MCF2L: variants seen among roughly 807,000 people sequenced by gnomAD.
MCF2L encodes guanine nucleotide exchange factor DBS.
Under a neutral mutation model 153.4 loss-of-function variants are expected in MCF2L, and 97 were observed. The observed-to-expected ratio is 0.63, with a 90% CI of 0.54 to 0.75. MCF2L has a LOEUF of 0.75. Ranked by LOEUF, MCF2L falls within the 30% of genes least tolerant of loss-of-function variation. MCF2L has a pLI of 0.00. For missense variants in MCF2L, 1,347 were observed against 1,495.2 expected, an observed-to-expected ratio of 0.90 and a Z score of 1.64; for synonymous variants, 659 against 632.2, an observed-to-expected ratio of 1.04 and a Z score of -0.64.
In MCF2L at chr13:112,942,351, G is replaced by A. The variant is rs146491087; in HGVS notation, c.169+39980G>A. 3.2e-3 allele frequency among the ~76,000 whole-genome samples: 484 copies of A among 152,308 alleles called. 1 individual carries two copies. Among genetic ancestry groups the A allele is most frequent in the African/African-American group, 0.011 (466 of 41,564 alleles). On this transcript the variant is annotated intron_variant, in intron 2 of 29. Coordinates refer to the MCF2L transcript ENST00000375608. ...CCAGGCAGGGAAGGGCCCCCTGTCT[G>A]GTAGACATGTGACCCACATGACCTT...
In MCF2L at chr13:113,095,281, G is replaced by A. The variant is rs2035553136; in HGVS notation, c.3075+646G>A. ...GCCCCAAGGCTGGAGGTGCAAAGGG[G>A]ACAGGTCCCGGAGGCTCTGGAAGGG... On this transcript the variant is annotated intron_variant, in intron 27 of 29. Transcript: ENST00000535094. 11 of 1,187,502 alleles carry A rather than the reference G, an allele frequency of 9.3e-6. No homozygotes were observed. In the South Asian group the frequency reaches 9.5e-5, roughly 10 times the overall value. 73.6% of individuals were successfully genotyped at this position (1,187,502 alleles called of 1,614,324 possible).
At chr13:113,033,803 GC>G (rs1165970333) in intron 3 of MCF2L, 2 of 166,522 alleles carry the variant, frequency 1.2e-5, no homozygotes, top group African/African-American at 4.8e-5. Context: ...ACATCACGCG[GC>G]CCAGGTGTCT....
chr13:113,069,891 G>T (rs2032704711), intron 8 of MCF2L, among the ~76,000 whole-genome samples, 168 bp from the exon 9 acceptor site: 1 of 152,160 alleles, frequency 6.6e-6, no homozygotes, highest in Admixed American at 6.5e-5. Context: ...GGCCCTGAGT[G>T]CCCGCGCCCG....
chr13:113,061,120 AG>A (rs1222422732), intron 5 of MCF2L, among the ~76,000 whole-genome samples: 4 of 152,074 alleles, frequency 2.6e-5, no homozygotes, highest in Non-Finnish European at 2.9e-5. Flanking sequence ...AGGGCTGGGG[AG>A]GGGGCTGTAA....
chr13:112,930,570 C>G (rs1343149326), intron 2 of MCF2L, among the ~76,000 whole-genome samples: 1 of 152,168 alleles, frequency 6.6e-6, no homozygotes, highest in East Asian at 1.9e-4. Flanking sequence ...GATTTTAGGG[C>G]AGTGAAACTA....
intron 1 of MCF2L, among the ~76,000 whole-genome samples, chr13:112,985,894 AC>A (rs1368087314): frequency 6.6e-6 from 1 of 152,108 alleles, no homozygotes; most frequent in Non-Finnish European, 1.5e-5. Context: ...ACCATGGGAC[AC>A]CCGGTGACGT....
chr13:112,999,953 C>T (rs976671784), intron 1 of MCF2L, among the ~76,000 whole-genome samples: 8 of 95,422 alleles, frequency 8.4e-5, no homozygotes, highest in African/African-American at 2.5e-4. Flanking sequence ...ACCGGAGGGC[C>T]CCAGAGTGGA....
At chr13:112,915,340 C>T (rs981665001) in intron 2 of MCF2L, among the ~76,000 whole-genome samples, 4 of 139,602 alleles carry the variant, frequency 2.9e-5, no homozygotes, top group African/African-American at 1.1e-4. Context: ...ACCCGGGAAG[C>T]GGAGGTTGCA....
chr13:112,916,380 A>C (rs574395739), intron 2 of MCF2L, among the ~76,000 whole-genome samples: 119 of 152,198 alleles, frequency 7.8e-4, no homozygotes, highest in South Asian at 1.2e-3. Flanking sequence ...TTTTGCCTCT[A>C]CTTCTTGTCC....
At chr13:112,959,504 G>A (rs1362845783) in intron 2 of MCF2L, among the ~76,000 whole-genome samples, 1 of 152,110 alleles carries the variant, frequency 6.6e-6, no homozygotes, top group African/African-American at 2.4e-5. Flanking sequence ...CTGCAGTGAG[G>A]GAGGAGGGTC....
intron 2 of MCF2L, among the ~76,000 whole-genome samples, chr13:113,018,580 G>A (rs139414394): frequency 0.013 from 1,940 of 152,242 alleles, 47 homozygotes; most frequent in African/African-American, 0.043. Flanking sequence ...CCCTGGCATG[G>A]CAGTCGGAGC....
intron 1 of MCF2L, among the ~76,000 whole-genome samples, chr13:112,987,223 A>C (rs1315589232): frequency 6.6e-6 from 1 of 152,008 alleles, no homozygotes; most frequent in Non-Finnish European, 1.5e-5. Flanking sequence ...GGGGTCCCAG[A>C]AGGCATCTCC....
chr13:113,081,211 A>T lies in MCF2L; in HGVS notation c.1809-2A>T. The stretch of plus-strand genomic sequence containing the variant: ...TTTGCTCTCCACATGACCTGCCACC[A>T]GGCACGTGATGAGCGAGCTCCTGGA... On this transcript the variant is annotated splice_acceptor_variant, in intron 15 of 29. Transcript: ENST00000535094. LOFTEE classifies it high-confidence loss of function. The T allele has an allele frequency of 6.3e-7, 1 of 1,581,402 alleles. No individual in the cohort carries two copies.
chr13:113,007,889 T>TA (rs965413053), intron 1 of MCF2L, among the ~76,000 whole-genome samples: 2 of 17,046 alleles, frequency 1.2e-4, no homozygotes, highest in Non-Finnish European at 3.2e-4. Context: ...CTTAAATGGG[T>TA]TTTTAGTATG....
rs2033730131 is a variant in MCF2L, at chr13:113,078,349, CT to C, written c.1661-12del. Reference sequence around the variant, plus strand: ...AGAGGGGACTTCATGCCCCGCTCCCCTTCTTCCCAACAGGCATTCGGCGAGG... The same window carrying C: ...AGAGGGGACTTCATGCCCCGCTCCCCTCTTCCCAACAGGCATTCGGCGAGG... On this transcript the variant is annotated splice_polypyrimidine_tract_variant and intron_variant, in intron 13 of 29. Transcript: ENST00000535094. The C allele has an allele frequency of 6.2e-7, 1 of 1,611,532 alleles. No homozygotes were observed. The highest frequency in any genetic ancestry group is 8.5e-7 in the Non-Finnish European group (1 of 1,178,354).
At position 113,065,136 on chromosome 13, in the gene MCF2L, G is replaced by A. The variant is rs776816765; in HGVS notation, c.756+51G>A. On this transcript the variant is annotated intron_variant, in intron 7 of 29. Coordinates refer to ENST00000535094, the MANE Select transcript of MCF2L (RefSeq NM_001112732.3). ...AGCTGTGGGGGGCTCCGGTCAGTCA[G>A]AAGCTGCGCGGGGCTCCGGTCGGAA... 4.4e-6 allele frequency: 7 copies of A among 1,603,506 alleles called. No homozygotes were observed. The East Asian group carries it at 1.6e-4, about 36-fold the overall frequency.
intron 2 of MCF2L, among the ~76,000 whole-genome samples, chr13:112,914,633 C>A (rs2081271808): frequency 6.6e-6 from 1 of 152,244 alleles, no homozygotes; most frequent in African/African-American, 2.4e-5. Context: ...ATGTCCTTGT[C>A]TGATGGTTGC....
intron 2 of MCF2L, among the ~76,000 whole-genome samples, chr13:113,016,272 A>G (rs2084508106): frequency 6.6e-6 from 1 of 152,194 alleles, no homozygotes; most frequent in African/African-American, 2.4e-5. Flanking sequence ...GAGGGATCCC[A>G]GGTGCAAGAA....
chr13:113,092,606 G>T (rs1456276169), intron 26 of MCF2L, among the ~76,000 whole-genome samples: 1 of 152,246 alleles, frequency 6.6e-6, no homozygotes, highest in Non-Finnish European at 1.5e-5. Flanking sequence ...ACTCCAATGA[G>T]CAAAGGCCAA....
Sources: allele counts gnomAD v4.1 joint callset (sites outside exome capture counted in the v4.1 genomes callset), GRCh38; gene constraint gnomAD v4.1.1; transcripts MANE v1.5; gene names NCBI Gene and HGNC (gene_info 2026-07-23, HGNC 2026-07-21).